CDH10: variants seen among roughly 807,000 people sequenced by gnomAD.
CDH10 encodes the protein cadherin-10.
CDH10 carries 30 observed loss-of-function variants against 73.1 expected under a neutral mutation model. The ratio of observed to expected loss-of-function variants is 0.41; its 90% CI spans 0.31 to 0.56. CDH10 has a LOEUF of 0.56. CDH10 is among the 20% of genes least tolerant of loss of function. CDH10 has a pLI of 0.27. For missense variants in CDH10, 815 were observed against 973.7 expected (o/e 0.84, Z 2.17); for synonymous variants, 345 against 348.2 (o/e 0.99, Z 0.10).
intron 1 of CDH10, among the ~76,000 whole-genome samples, chr5:24,615,976 T>C (rs1747113265): frequency 6.6e-6 from 1 of 152,196 alleles, no homozygotes; most frequent in Non-Finnish European, 1.5e-5. Flanking sequence ...GCCAAGGTGT[T>C]AGCATGTCTT....
chr5:24,530,685 C>T (rs1743708298), intron 5 of CDH10, among the ~76,000 whole-genome samples: 1 of 151,874 alleles, frequency 6.6e-6, no homozygotes, highest in South Asian at 2.1e-4. Context: ...GAAGTAAGTG[C>T]ATTTATTTCG....
At chr5:24,571,023 G>A (rs1272061234) in intron 2 of CDH10, among the ~76,000 whole-genome samples, 1 of 152,004 alleles carries the variant, frequency 6.6e-6, no homozygotes, top group African/African-American at 2.4e-5. Flanking sequence ...ATAAAGTAGA[G>A]GAATGGTGAC....
intron 2 of CDH10, among the ~76,000 whole-genome samples, chr5:24,543,851 C>A (rs868818254): frequency 6.6e-6 from 1 of 151,998 alleles, no homozygotes; most frequent in Admixed American, 6.6e-5. Context: ...TGGGAGAAAA[C>A]CTTGAATTAA....
At chr5:24,517,751 T>A (rs1743164514) in intron 5 of CDH10, among the ~76,000 whole-genome samples, 1 of 152,144 alleles carries the variant, frequency 6.6e-6, no homozygotes, top group Non-Finnish European at 1.5e-5. Context: ...AGCTAAAAGT[T>A]TTTTTGGCCT....
chr5:24,547,995 T>C (rs533518144), intron 2 of CDH10, among the ~76,000 whole-genome samples: 3 of 152,290 alleles, frequency 2.0e-5, no homozygotes, highest in Admixed American at 1.3e-4. Flanking sequence ...GGTCATGCAA[T>C]TGTCAGGGTT....
At chr5:24,524,360 G>C (rs1055726872) in intron 5 of CDH10, among the ~76,000 whole-genome samples, 4 of 152,056 alleles carry the variant, frequency 2.6e-5, no homozygotes, top group African/African-American at 9.7e-5. Context: ...CTTCCTCCAA[G>C]GGTGTTTGAC....
At position 24,492,805 on chromosome 5, in the gene CDH10, T is replaced by G; in HGVS notation, c.1624+12A>C. On this transcript the variant is annotated intron_variant, in intron 10 of 11. Coordinates refer to ENST00000264463, the MANE Select transcript of CDH10 (RefSeq NM_006727.5). ...TCATCATAAGTCATAGTGAACAAGTTCTAAAATTTACCTTCATTATCCTGT... is the reference window on the plus strand; with the variant it reads ...TCATCATAAGTCATAGTGAACAAGTGCTAAAATTTACCTTCATTATCCTGT... The G allele has an allele frequency of 9.0e-7, 1 of 1,116,948 alleles. No homozygotes were observed. 69.2% of individuals were successfully genotyped at this position (1,116,948 alleles called of 1,614,324 possible). A position where few individuals can be genotyped will look rare whatever the true frequency, so the allele number is the denominator to read the frequency against.
rs944055917 is a variant in CDH10, at chr5:24,488,130, G to A, written c.1900C>T (p.Leu634=). ...LLVIVVLFAA[L]KRQRKKEPLI... is the part of the protein sequence containing the mutation. ...GGCTCTTTTTTTCGCTGTCTTTTCA[G>A]AGCTGCAAACAGTACTACTATAACT... Residue 634 remains leucine, a synonymous_variant, in exon 12 of 12, where the codon CTG becomes TTG. Coordinates refer to ENST00000264463, the MANE Select transcript of CDH10 (RefSeq NM_006727.5). The A allele has an allele frequency of 6.2e-7, 1 of 1,611,776 alleles. No homozygotes were observed. The highest frequency in any genetic ancestry group is 8.5e-7 in the Non-Finnish European group (1 of 1,179,074).
chr5:24,533,229 A>T (rs757488874), intron 5 of CDH10, among the ~76,000 whole-genome samples: 11 of 151,988 alleles, frequency 7.2e-5, no homozygotes, highest in Admixed American at 1.3e-4. Flanking sequence ...CATGAGGCTG[A>T]GGCAGGAGAA....
intron 5 of CDH10, among the ~76,000 whole-genome samples, chr5:24,516,247 G>A (rs965710803): frequency 1.3e-5 from 2 of 150,228 alleles, no homozygotes; most frequent in African/African-American, 4.9e-5. Context: ...GGGAGTATCC[G>A]ATGTCAATAT....
intron 3 of CDH10, among the ~76,000 whole-genome samples, chr5:24,536,637 T>C (rs963251584): frequency 2.0e-5 from 3 of 152,084 alleles, no homozygotes; most frequent in East Asian, 1.9e-4. Context: ...AAAAAATTAA[T>C]GCAGTTTTAA....
rs1561146446 is a variant in CDH10 at position 24,535,174 on chromosome 5, C to T, written c.752G>A (p.Gly251Glu). 1 of 1,613,162 alleles carries T rather than the reference C, an allele frequency of 6.2e-7. No homozygotes were observed. The highest frequency in any genetic ancestry group is 1.7e-5 in the Admixed American group (1 of 59,842). Residue 251 changes from glycine (G) to glutamate (E), a missense_variant, in exon 5 of 12, where the codon GGG becomes GAG. Physicochemically the swap from Gly to Glu is moderately conservative, Grantham distance 98. Around this residue, in one of 3 missense-constraint regions of CDH10, gnomAD observed 516 missense variants for 636.6 expected, o/e 0.81. Transcript: ENST00000264463. ...DMGGQMGGLS[G>E]TTTVNITLTD... ...CAGCGTGATGTTCACAGTGGTTGTC[C>T]CCGATAAGCCTCCCATCTGGCCGCC...
chr5:24,613,085 T>C (rs1747003933), intron 1 of CDH10: 1 of 151,760 alleles, frequency 6.6e-6, no homozygotes, highest in African/African-American at 2.4e-5. Flanking sequence ...TAGAAAAAAA[T>C]GTTAAATAAT....
intron 2 of CDH10, among the ~76,000 whole-genome samples, chr5:24,567,201 A>C (rs188021319): frequency 1.3e-5 from 2 of 152,182 alleles, no homozygotes; most frequent in East Asian, 1.9e-4. Context: ...AACAACACCA[A>C]TATTATCTAG....
intron 5 of CDH10, among the ~76,000 whole-genome samples, chr5:24,527,037 T>C (rs189728973): frequency 4.6e-5 from 7 of 151,248 alleles, no homozygotes; most frequent in Non-Finnish European, 8.9e-5. Flanking sequence ...TTAGAAGTAG[T>C]TTTAAATAAT....
chr5:24,618,663 G>T (rs1396356630), intron 1 of CDH10, among the ~76,000 whole-genome samples: 3 of 152,128 alleles, frequency 2.0e-5, no homozygotes, highest in Non-Finnish European at 4.4e-5. Flanking sequence ...TCACTTTAAA[G>T]AATCATAAAG....
chr5:24,600,095 C>T (rs192192444), intron 1 of CDH10, among the ~76,000 whole-genome samples: 1 of 152,126 alleles, frequency 6.6e-6, no homozygotes, highest in Admixed American at 6.6e-5. Context: ...ATTGTACTTA[C>T]ATTGTAGTTT....
At chr5:24,520,741 T>C (rs1228640117) in intron 5 of CDH10, among the ~76,000 whole-genome samples, 1 of 152,178 alleles carries the variant, frequency 6.6e-6, no homozygotes, top group Non-Finnish European at 1.5e-5. Context: ...TTGTTGTTTT[T>C]TTTGAGATGG....
At chr5:24,594,771 C>A (rs1162923800) in intron 1 of CDH10, among the ~76,000 whole-genome samples, 1 of 151,928 alleles carries the variant, frequency 6.6e-6, no homozygotes, top group African/African-American at 2.4e-5. Flanking sequence ...TCATATATTC[C>A]AGTATACTCC....
Sources: allele counts gnomAD v4.1 joint callset (sites outside exome capture counted in the v4.1 genomes callset), GRCh38; gene constraint gnomAD v4.1.1; regional missense constraint gnomAD v4.1.1; transcripts MANE v1.5; gene names NCBI Gene and HGNC (gene_info 2026-07-23, HGNC 2026-07-21).